The following KLF12 variants were observed in gnomAD, a reference collection of about 807,000 sequenced individuals.
KLF12 encodes the protein Krueppel-like factor 12.
A neutral mutation model predicts 37.8 loss-of-function variants in KLF12; 9 were observed. The observed-to-expected ratio is 0.24, with a 90% CI of 0.14 to 0.42. The LOEUF is 0.42. KLF12 is among the 10% of genes least tolerant of loss of function. The pLI is 1.00. For synonymous variants in KLF12, 208 were observed against 202.1 expected (o/e 1.03, Z -0.25); for missense variants, 411 against 516.0 (o/e 0.80, Z 1.97).
rs538778586 is a variant in KLF12 at position 73,689,797 on chromosome 13, C to T, written c.*5693G>A. On this transcript the variant is annotated 3_prime_UTR_variant, in exon 8 of 8. Transcript: ENST00000377669. ...GTTTGATATGAGTGGATAAAATGAA[C>T]AAGCAAACAAATATCCTTCAGTCTT... is the stretch of plus-strand genomic sequence containing the variant. The T allele has an allele frequency of 3.8e-4, 58 of 152,262 alleles. No homozygotes were observed. Among genetic ancestry groups the T allele is most frequent in the African/African-American group, 1.3e-3 (55 of 41,566 alleles). 9.4% of individuals were successfully genotyped at this position (152,262 alleles called of 1,614,324 possible). A position where few individuals can be genotyped will look rare whatever the true frequency, so the allele number is the denominator to read the frequency against.
At chr13:73,920,208 T>C (rs1438366543) in intron 3 of KLF12, among the ~76,000 whole-genome samples, 1 of 152,188 alleles carries the variant, frequency 6.6e-6, no homozygotes, top group African/African-American at 2.4e-5. Context: ...TACATGAATA[T>C]GCACAAATAT....
At chr13:74,264,717 A>C in the KLF12 span, among the ~76,000 whole-genome samples, 21 of 152,196 alleles carry the variant, frequency 1.4e-4, no homozygotes, top group African/African-American at 5.1e-4. Context: ...GGATTTCAGC[A>C]TACTAATTTA....
chr13:73,935,721 G>A (rs1349907104), intron 3 of KLF12, among the ~76,000 whole-genome samples: 6 of 152,042 alleles, frequency 3.9e-5, no homozygotes, highest in Non-Finnish European at 7.4e-5. Context: ...TCCACCTCCC[G>A]AGCTCAAGCA....
chr13:73,916,246 C>CACACACACACAT (rs1491519733), intron 3 of KLF12, among the ~76,000 whole-genome samples: 10 of 33,062 alleles, frequency 3.0e-4, no homozygotes, highest in African/African-American at 8.5e-4. Flanking sequence ...CACACGCACA[C>CACACACACACAT]GCACACACAC....
At chr13:73,947,123 T>C (rs1890461011) in intron 2 of KLF12, among the ~76,000 whole-genome samples, 1 of 152,240 alleles carries the variant, frequency 6.6e-6, no homozygotes, top group South Asian at 2.1e-4. Flanking sequence ...TCCTAAGAGA[T>C]GAATAAAATT....
In KLF12 at chr13:73,762,520, TTTAA is replaced by T. The variant is rs538826894; in HGVS notation, c.869+2414_869+2417del. ...GGAGGCTTTTCTTCTTTTCCTGAACTTTAATTACTTATTTGATGAACACAATTTT... is the reference window on the plus strand; with the variant it reads ...GGAGGCTTTTCTTCTTTTCCTGAACTTTACTTATTTGATGAACACAATTTT... On this transcript the variant is annotated intron_variant, in intron 6 of 7. Transcript: ENST00000377669. Among the ~76,000 whole-genome samples the T allele has an allele frequency of 2.6e-4, 39 of 152,288 alleles. No homozygotes were observed. In the South Asian group the frequency reaches 7.2e-3, roughly 28 times the overall value.
the KLF12 span, among the ~76,000 whole-genome samples, chr13:74,283,477 C>T: frequency 2.6e-5 from 4 of 152,294 alleles, no homozygotes; most frequent in South Asian, 6.2e-4. Flanking sequence ...AAAATCAATT[C>T]ATCTAGACAG....
chr13:73,953,155 C>T (rs998568390), intron 2 of KLF12, among the ~76,000 whole-genome samples: 6 of 152,152 alleles, frequency 3.9e-5, no homozygotes, highest in Admixed American at 1.3e-4. Context: ...TTCTGGGATA[C>T]ATGAATATCT....
the KLF12 span, among the ~76,000 whole-genome samples, chr13:74,262,114 G>C: frequency 1.3e-5 from 2 of 152,114 alleles, no homozygotes; most frequent in South Asian, 4.1e-4. Flanking sequence ...TAATCAACTT[G>C]CAATAAGACA....
chr13:74,137,900 A>T (rs1878604611), upstream of KLF12, among the ~76,000 whole-genome samples: 1 of 152,230 alleles, frequency 6.6e-6, no homozygotes. Context: ...AGCTAGGATT[A>T]CGGGCATGCG....
At chr13:73,710,936 C>G (rs1270887942) in intron 7 of KLF12, among the ~76,000 whole-genome samples, 2 of 152,158 alleles carry the variant, frequency 1.3e-5, no homozygotes, top group Non-Finnish European at 2.9e-5. Flanking sequence ...GGAAAAGTTC[C>G]AGAAGGAAAT....
chr13:74,021,578 C>A (rs1305098422), intron 1 of KLF12, among the ~76,000 whole-genome samples: 1 of 152,034 alleles, frequency 6.6e-6, no homozygotes, highest in African/African-American at 2.4e-5. Context: ...GCTGACTGCA[C>A]ACATCTCTTT....
chr13:73,934,950 A>ATTAATTATTTAT (rs376766080), intron 3 of KLF12, among the ~76,000 whole-genome samples: 7 of 139,588 alleles, frequency 5.0e-5, no homozygotes, highest in Non-Finnish European at 1.1e-4. Flanking sequence ...ATAGGTTTTT[A>ATTAATTATTTAT]TTATTTATTT....
intron 3 of KLF12, among the ~76,000 whole-genome samples, chr13:73,891,898 G>C (rs749569713): frequency 6.6e-5 from 10 of 151,984 alleles, no homozygotes; most frequent in Non-Finnish European, 1.3e-4. Flanking sequence ...AATTATCTCC[G>C]AACAAAAAGT....
chr13:74,138,140 A>G (rs1250212969), upstream of KLF12, among the ~76,000 whole-genome samples: 1 of 152,248 alleles, frequency 6.6e-6, no homozygotes, highest in Non-Finnish European at 1.5e-5. Context: ...ATATCTGTGT[A>G]CATTTAGAGA....
Position 73,813,236 on chromosome 13 carries a change from T to A in KLF12, c.722A>T (p.Asp241Val), listed in dbSNP as rs1316893658. ...GGTCACATTTGGCAGGTCATCATCA[T>A]CACTGTCACTTTTACTTTGTCTGGG... is the stretch of plus-strand genomic sequence containing the variant. Residue 241 changes from aspartate (D) to valine (V), a missense_variant, in exon 5 of 8, where the codon GAT becomes GTT. Around this residue, in one of 2 missense-constraint regions of KLF12, gnomAD observed 351 missense variants for 397.8 expected, o/e 0.88. Coordinates refer to ENST00000377669, the MANE Select transcript of KLF12 (RefSeq NM_007249.5). 2 of 1,614,054 alleles carry A rather than the reference T, an allele frequency of 1.2e-6. No individual in the cohort carries two copies. Among genetic ancestry groups the A allele is most frequent in the Non-Finnish European group, 1.7e-6 (2 of 1,179,942 alleles).
chr13:74,207,095 A>T, the KLF12 span, among the ~76,000 whole-genome samples: 1 of 152,210 alleles, frequency 6.6e-6, no homozygotes. Context: ...GTGGAAAGGC[A>T]AAGAGAGGTT....
At chr13:74,112,927 T>C (rs563949833) in intron 1 of KLF12, among the ~76,000 whole-genome samples, 12 of 152,094 alleles carry the variant, frequency 7.9e-5, no homozygotes, top group East Asian at 3.9e-4. Context: ...CAGAAGAAAA[T>C]TGAAAGTGTT....
chr13:74,073,453 G>A (rs1408487036), intron 1 of KLF12, among the ~76,000 whole-genome samples: 1 of 152,122 alleles, frequency 6.6e-6, no homozygotes, highest in Non-Finnish European at 1.5e-5. Flanking sequence ...GCTGCTTAAG[G>A]AAATGCTTTG....
Sources: allele counts gnomAD v4.1 joint callset (sites outside exome capture counted in the v4.1 genomes callset), GRCh38; gene constraint gnomAD v4.1.1; regional missense constraint gnomAD v4.1.1; transcripts MANE v1.5; gene names NCBI Gene and HGNC (gene_info 2026-07-23, HGNC 2026-07-21).